Variants in UCK2 observed in about 807,000 individuals in gnomAD.
UCK2 encodes the protein cytidine monophosphokinase 2.
A neutral mutation model predicts 30.8 loss-of-function variants in UCK2; 6 were observed. The observed-to-expected ratio is 0.19, with a 90% CI of 0.11 to 0.38. The LOEUF is 0.38. Among genes scored for constraint, UCK2 ranks in the 10% least tolerant of loss-of-function variants. UCK2 has a pLI of 1.00. For missense variants in UCK2, 210 were observed against 339.8 expected (o/e 0.62, Z 3.00); for synonymous variants, 125 against 133.6 (o/e 0.94, Z 0.45).
chr1:165,891,163 G>A (rs1295015718), intron 2 of UCK2, 63 bp from the exon 3 acceptor site: 16 of 1,416,720 alleles, frequency 1.1e-5, no homozygotes, highest in Admixed American at 8.8e-5. Flanking sequence ...GATGCCTTGT[G>A]TATGATTATA....
chr1:165,849,077 A>G (rs1252779649), intron 1 of UCK2, among the ~76,000 whole-genome samples: 3 of 152,182 alleles, frequency 2.0e-5, no homozygotes, highest in East Asian at 1.9e-4. Flanking sequence ...AACAAAGTGA[A>G]ACGCCATTTC....
intron 1 of UCK2, among the ~76,000 whole-genome samples, chr1:165,889,047 TAAC>T (rs1258837298): frequency 1.3e-5 from 2 of 152,238 alleles, no homozygotes; most frequent in Admixed American, 1.3e-4. Flanking sequence ...CATGTATTAC[TAAC>T]AACAACACAC....
chr1:165,861,629 A>G (rs1474824887), intron 1 of UCK2, among the ~76,000 whole-genome samples: 2 of 47,456 alleles, frequency 4.2e-5, no homozygotes, highest in Non-Finnish European at 3.8e-5. Context: ...CTCCGTCTCA[A>G]AAAAAAAAAA....
chr1:165,856,649 G>A (rs1166245536), intron 1 of UCK2, among the ~76,000 whole-genome samples: 1 of 152,202 alleles, frequency 6.6e-6, no homozygotes, highest in African/African-American at 2.4e-5. Flanking sequence ...TGAACTAGGA[G>A]TTGTGATACA....
In UCK2 at chr1:165,909,603, G is replaced by A. The variant is rs41268534; in HGVS notation, c.*1780G>A. 2 of 152,220 alleles carry A rather than the reference G, an allele frequency of 1.3e-5. No homozygotes were observed. The highest frequency in any genetic ancestry group is 6.5e-5 in the Admixed American group (1 of 15,282). 9.4% of individuals were successfully genotyped at this position (152,220 alleles called of 1,614,324 possible). On this transcript the variant is annotated 3_prime_UTR_variant, in exon 7 of 7. Transcript: ENST00000367879. ...GCCACCCGGAGACTTTCAGGAGACC[G>A]TGCAGGCTCTGAAGGGAGCTCCCAG...
chr1:165,882,972 G>T (rs1027108078), intron 1 of UCK2, among the ~76,000 whole-genome samples: 36 of 152,062 alleles, frequency 2.4e-4, no homozygotes, highest in Non-Finnish European at 3.5e-4. Context: ...CTACAGGCGC[G>T]TGCCACCACA....
chr1:165,843,276 G>A (rs116144119), intron 1 of UCK2, among the ~76,000 whole-genome samples: 2,056 of 151,950 alleles, frequency 0.014, 22 homozygotes, highest in Non-Finnish European at 0.021. Flanking sequence ...GTTCATCTGG[G>A]TCTTTTTTGT....
At position 165,857,292 on chromosome 1, in the gene UCK2, C is replaced by T. The variant is rs16851843; in HGVS notation, c.99+29360C>T. Reference sequence around the variant, plus strand: ...CACGGTCCACTGTAGCAGTAGGTGACTTATGGTACTAAGTACCATCTGATA... The same window carrying T: ...CACGGTCCACTGTAGCAGTAGGTGATTTATGGTACTAAGTACCATCTGATA... On this transcript the variant is annotated intron_variant, in intron 1 of 6. Coordinates refer to ENST00000367879, the MANE Select transcript of UCK2 (RefSeq NM_012474.5). 6.5e-3 allele frequency among the ~76,000 whole-genome samples: 996 copies of T among 152,220 alleles called. 15 individuals are homozygous for T. The highest frequency in any genetic ancestry group is 0.023 in the African/African-American group (956 of 41,508).
At chr1:165,837,507 A>G (rs1417733975) in intron 1 of UCK2, among the ~76,000 whole-genome samples, 1 of 152,164 alleles carries the variant, frequency 6.6e-6, no homozygotes, top group Non-Finnish European at 1.5e-5. Context: ...CAGTATGCTT[A>G]CTGTCACTTT....
At chr1:165,884,268 A>G (rs1313766313) in intron 1 of UCK2, among the ~76,000 whole-genome samples, 2 of 152,248 alleles carry the variant, frequency 1.3e-5, no homozygotes, top group African/African-American at 4.8e-5. Flanking sequence ...CAGGGAGGAA[A>G]TGATCAATCA....
intron 1 of UCK2, among the ~76,000 whole-genome samples, chr1:165,870,260 C>T (rs111452681): frequency 0.011 from 1,486 of 140,914 alleles, 39 homozygotes; most frequent in African/African-American, 0.037. Flanking sequence ...ATTAGCTGGA[C>T]GATAATTTTA....
At chr1:165,848,660 CCA>C (rs71583906) in intron 1 of UCK2, among the ~76,000 whole-genome samples, 61 of 147,850 alleles carry the variant, frequency 4.1e-4, no homozygotes, top group East Asian at 2.2e-3. Context: ...ACACACACAC[CCA>C]CACACACACA....
intron 1 of UCK2, among the ~76,000 whole-genome samples, chr1:165,877,103 AC>A (rs915707261): frequency 1.6e-4 from 24 of 151,636 alleles, no homozygotes; most frequent in African/African-American, 4.1e-4. Flanking sequence ...TGGTCCACTG[AC>A]CCCCCCAAAA....
chr1:165,852,426 C>T lies in UCK2; in HGVS notation c.99+24494C>T, dbSNP rs918897495. Reference sequence around the variant, plus strand: ...AGAAAGGATATGAACAGACACTTCTCGAAAGAAGACATTTACGTGGCCAAC... The same window carrying T: ...AGAAAGGATATGAACAGACACTTCTTGAAAGAAGACATTTACGTGGCCAAC... On this transcript the variant is annotated intron_variant, in intron 1 of 6. Transcript: ENST00000367879. Among the ~76,000 whole-genome samples the T allele has an allele frequency of 7.2e-5, 11 of 152,132 alleles. 1 individual carries two copies. The South Asian group carries it at 1.4e-3, about 20-fold the overall frequency.
chr1:165,849,907 C>T (rs1288858581), intron 1 of UCK2, among the ~76,000 whole-genome samples: 1 of 152,120 alleles, frequency 6.6e-6, no homozygotes, highest in African/African-American at 2.4e-5. Flanking sequence ...TGAGTAGCTA[C>T]AGGCAAGTCA....
intron 1 of UCK2, among the ~76,000 whole-genome samples, chr1:165,850,808 G>C (rs1449043196): frequency 6.6e-6 from 1 of 151,278 alleles, no homozygotes; most frequent in African/African-American, 2.4e-5. Flanking sequence ...ATTTTTAGTA[G>C]AGACGGGGTT....
intron 1 of UCK2, among the ~76,000 whole-genome samples, chr1:165,837,816 A>G (rs1052894987): frequency 2.6e-5 from 4 of 152,230 alleles, no homozygotes; most frequent in African/African-American, 9.6e-5. Context: ...AGGAATCTCA[A>G]CATTTCCAAT....
intron 1 of UCK2, among the ~76,000 whole-genome samples, chr1:165,876,889 C>T (rs769652645): frequency 3.3e-5 from 5 of 152,170 alleles, no homozygotes; most frequent in Non-Finnish European, 5.9e-5. Flanking sequence ...CTCATGTCTC[C>T]GTGTCTTCAC....
At chr1:165,879,786 A>G (rs2101875463) in intron 1 of UCK2, among the ~76,000 whole-genome samples, 1 of 152,256 alleles carries the variant, frequency 6.6e-6, no homozygotes, top group East Asian at 1.9e-4. Flanking sequence ...TGAGACAGCC[A>G]ATAGAGGACT....
Sources: gnomAD v4.1 joint callset for allele counts (sites outside exome capture counted in the v4.1 genomes callset) on GRCh38, gnomAD v4.1.1 for gene constraint, MANE v1.5 for transcripts, NCBI Gene and HGNC (gene_info 2026-07-23, HGNC 2026-07-21) for gene names.